Variants in CDK13 observed in about 807,000 individuals in gnomAD.
The protein encoded by CDK13 is cyclin-dependent kinase 13.
Under a neutral mutation model 137.6 loss-of-function variants are expected in CDK13, and 40 were observed. The ratio of observed to expected loss-of-function variants is 0.29; its 90% CI spans 0.23 to 0.38. The LOEUF (loss-of-function observed/expected upper bound fraction) is 0.38. Ranked by LOEUF, CDK13 falls within the 10% of genes least tolerant of loss-of-function variation. CDK13 has a pLI of 1.00. For synonymous variants in CDK13, 869 were observed against 760.1 expected, an observed-to-expected ratio of 1.14 and a Z score of -2.36; for missense variants, 1,704 against 1,951.8, an observed-to-expected ratio of 0.87 and a Z score of 2.39.
At position 40,094,920 on chromosome 7, in the gene CDK13, A is replaced by G. The variant is rs778462157; in HGVS notation, c.4479A>G (p.Gly1493=). The G allele has an allele frequency of 6.7e-6, 10 of 1,495,954 alleles. No individual in the cohort carries two copies. Among genetic ancestry groups the G allele is most frequent in the South Asian group, 1.4e-5 (1 of 69,498 alleles). 92.7% of individuals were successfully genotyped at this position (1,495,954 alleles called of 1,614,324 possible). ...SPAQGPGYSQ[G]YRGHISTSTG... ...CCCAAGGACCTGGATATTCACAAGGATACAGGGGACATATTAGCACATCAA... is the reference window on the plus strand; with the variant it reads ...CCCAAGGACCTGGATATTCACAAGGGTACAGGGGACATATTAGCACATCAA... Residue 1493 remains glycine (G), a synonymous_variant, in exon 14 of 14, where the codon GGA becomes GGG. Transcript: ENST00000181839.
At chr7:40,023,007 T>A (rs541985267) in intron 5 of CDK13, among the ~76,000 whole-genome samples, 2 of 152,244 alleles carry the variant, frequency 1.3e-5, no homozygotes, top group South Asian at 4.1e-4. Flanking sequence ...GTCAGAACTG[T>A]TAAATCTTGT....
chr7:40,007,703 C>T (rs1784821294), intron 5 of CDK13, among the ~76,000 whole-genome samples: 1 of 152,200 alleles, frequency 6.6e-6, no homozygotes, highest in South Asian at 2.1e-4. Context: ...GCAAGGATTA[C>T]AGGCATGAAC....
At chr7:40,003,638 G>T (rs1562723333) in intron 5 of CDK13, among the ~76,000 whole-genome samples, 1 of 152,122 alleles carries the variant, frequency 6.6e-6, no homozygotes, top group African/African-American at 2.4e-5. Flanking sequence ...AATGCTGTTT[G>T]TTTTGCATTA....
intron 7 of CDK13, among the ~76,000 whole-genome samples, chr7:40,055,997 T>A (rs1245043961): frequency 2.6e-5 from 4 of 152,230 alleles, no homozygotes; most frequent in Non-Finnish European, 5.9e-5. Context: ...CTCTTTTACT[T>A]TTGTCTTTAC....
At chr7:40,018,488 C>A (rs1014811550) in intron 5 of CDK13, among the ~76,000 whole-genome samples, 1 of 151,968 alleles carries the variant, frequency 6.6e-6, no homozygotes, top group Non-Finnish European at 1.5e-5. Flanking sequence ...TTCACAATTG[C>A]AAAGATATGG....
Position 39,981,370 on chromosome 7 carries a change from TAA to T in CDK13, c.1212-6216_1212-6215del, listed in dbSNP as rs34499938. ...TGCGAAAAAGTGAGAGACCCTGTCT[TAA>T]AAAAAAAAAAAATTATCTATTAAAC... On this transcript the variant is annotated intron_variant, in intron 1 of 13. Transcript: ENST00000181839. Among the ~76,000 whole-genome samples the T allele has an allele frequency of 4.2e-3, 580 of 138,640 alleles. 3 individuals are homozygous for T. The highest frequency in any genetic ancestry group is 0.015 in the African/African-American group (533 of 34,554). 91.0% of individuals were successfully genotyped at this position (138,640 alleles called of 152,430 possible). A position where few individuals can be genotyped will look rare whatever the true frequency, so the allele number is the denominator to read the frequency against.
At chr7:40,021,400 G>T (rs1468944385) in intron 5 of CDK13, among the ~76,000 whole-genome samples, 1 of 151,974 alleles carries the variant, frequency 6.6e-6, no homozygotes, top group Non-Finnish European at 1.5e-5. Flanking sequence ...GGAGGCTGAG[G>T]CAGGAGAATC....
chr7:39,994,371 C>A (rs1001044813), intron 2 of CDK13, among the ~76,000 whole-genome samples: 10 of 152,116 alleles, frequency 6.6e-5, no homozygotes, highest in Non-Finnish European at 4.4e-5. Context: ...TTGTATAATT[C>A]ATCTCACTAA....
At position 40,045,532 on chromosome 7, in the gene CDK13, G is replaced by A. The variant is rs548740980; in HGVS notation, c.2354-304G>A. Among the ~76,000 whole-genome samples the A allele has an allele frequency of 4.1e-5, 6 of 145,716 alleles. No individual in the cohort carries two copies. The South Asian group carries it at 6.5e-4, about 16-fold the overall frequency. On this transcript the variant is annotated intron_variant, in intron 5 of 13. Coordinates refer to ENST00000181839, the MANE Select transcript of CDK13 (RefSeq NM_003718.5). ...TTCAGCTTCTAAGAGACAATTTGAC[G>A]TCTAAAACATTAATCACACCTAGAA...
At chr7:39,954,910 C>T (rs1787361809) in intron 1 of CDK13, among the ~76,000 whole-genome samples, 1 of 152,194 alleles carries the variant, frequency 6.6e-6, no homozygotes, top group African/African-American at 2.4e-5. Context: ...GTGTGAGCCA[C>T]CACATCCAGC....
chr7:40,096,160 A>G lies in CDK13; in HGVS notation c.*1180A>G, dbSNP rs1237962519. 1 of 152,158 alleles carries G rather than the reference A, an allele frequency of 6.6e-6. No individual in the cohort carries two copies. Among genetic ancestry groups the G allele is most frequent in the African/African-American group, 2.4e-5 (1 of 41,456 alleles). 9.4% of individuals were successfully genotyped at this position (152,158 alleles called of 1,614,324 possible). ...GGTGGCAAATACCGTATTTTAAGTT[A>G]TGCAATTGCCCTTTTAAGAAAGTCA... is the stretch of plus-strand genomic sequence containing the variant. On this transcript the variant is annotated 3_prime_UTR_variant, in exon 14 of 14. Coordinates refer to ENST00000181839, the MANE Select transcript of CDK13 (RefSeq NM_003718.5).
chr7:40,028,620 A>G (rs1345119834), intron 5 of CDK13, among the ~76,000 whole-genome samples: 1 of 152,178 alleles, frequency 6.6e-6, no homozygotes, highest in Non-Finnish European at 1.5e-5. Flanking sequence ...ACAATTATTT[A>G]TTCCCCTGAT....
rs940006435 is a variant in CDK13, at chr7:40,099,052, T to C, written c.*4072T>C. On this transcript the variant is annotated 3_prime_UTR_variant, in exon 14 of 14. Coordinates refer to ENST00000181839, the MANE Select transcript of CDK13 (RefSeq NM_003718.5). ...TCAAGGTTTTATGCAATAAAACCTA[T>C]TGATTTGGAACTTTAAAAAAAAAAA... The C allele has an allele frequency of 1.3e-5, 2 of 151,532 alleles. No individual in the cohort carries two copies. Among genetic ancestry groups the C allele is most frequent in the Admixed American group, 1.3e-4 (2 of 15,188 alleles). 9.4% of individuals were successfully genotyped at this position (151,532 alleles called of 1,614,324 possible). A position where few individuals can be genotyped will look rare whatever the true frequency, so the allele number is the denominator to read the frequency against.
At chr7:40,002,236 A>T in intron 5 of CDK13, 1 of 391,360 alleles carries the variant, frequency 2.6e-6, no homozygotes. Context: ...GGTATTTGCC[A>T]ATATTACACA....
At chr7:40,075,374 C>T (rs1236410039) in intron 9 of CDK13, among the ~76,000 whole-genome samples, 1 of 151,998 alleles carries the variant, frequency 6.6e-6, no homozygotes, top group Non-Finnish European at 1.5e-5. Flanking sequence ...ATGTGTATTC[C>T]ATTGTGTATC....
At chr7:40,003,940 G>A (rs573636693) in intron 5 of CDK13, among the ~76,000 whole-genome samples, 9 of 152,166 alleles carry the variant, frequency 5.9e-5, no homozygotes, top group Non-Finnish European at 8.8e-5. Context: ...ACTACGTATA[G>A]ACACAGACAA....
At chr7:39,983,357 G>T (rs1167435395) in intron 1 of CDK13, among the ~76,000 whole-genome samples, 4 of 152,068 alleles carry the variant, frequency 2.6e-5, no homozygotes, top group African/African-American at 9.7e-5. Context: ...TCCTGACCTC[G>T]TGATCCGCCC....
rs753346902 is a variant in CDK13 at position 40,094,902 on chromosome 7, A to G, written c.4461A>G (p.Gly1487=). 8 of 1,507,606 alleles carry G rather than the reference A, an allele frequency of 5.3e-6. No homozygotes were observed. The East Asian group carries it at 1.4e-4, about 26-fold the overall frequency. The allele number at this position is 1,507,606 out of a possible 1,614,324, so 93.4% of individuals were successfully genotyped here. ...HGQTWTSPAQ[G]PGYSQGYRGH... is the part of the protein sequence containing the mutation. The stretch of plus-strand genomic sequence containing the variant: ...AGACCTGGACTTCTCCTGCCCAAGG[A>G]CCTGGATATTCACAAGGATACAGGG... Residue 1487 remains glycine, a synonymous_variant, in exon 14 of 14, where the codon GGA becomes GGG. Coordinates refer to ENST00000181839, the MANE Select transcript of CDK13 (RefSeq NM_003718.5).
intron 1 of CDK13, among the ~76,000 whole-genome samples, chr7:39,963,639 T>C (rs1411228387): frequency 6.6e-6 from 1 of 152,240 alleles, no homozygotes; most frequent in Non-Finnish European, 1.5e-5. Context: ...CTGATTGCCC[T>C]GGCCAGAACT....
Sources: gnomAD v4.1 joint callset for allele counts (sites outside exome capture counted in the v4.1 genomes callset) on GRCh38, gnomAD v4.1.1 for gene constraint, MANE v1.5 for transcripts, NCBI Gene and HGNC (gene_info 2026-07-23, HGNC 2026-07-21) for gene names.